GALK2: variants seen among roughly 807,000 people sequenced by gnomAD.
The protein encoded by GALK2 is galactokinase 2.
A neutral mutation model predicts 52.4 loss-of-function variants in GALK2; 36 were observed. The ratio of observed to expected loss-of-function variants is 0.69; its 90% CI spans 0.53 to 0.91. GALK2 has a LOEUF of 0.91. Among genes scored for constraint, GALK2 ranks in the 40% least tolerant of loss-of-function variants. The probability of loss-of-function intolerance (pLI) is 0.00; values close to 1 mark genes in which losing one functional copy is unlikely to be tolerated. For missense variants in GALK2, 579 were observed against 559.1 expected (o/e 1.04, Z -0.36); for synonymous variants, 176 against 199.1 (o/e 0.88, Z 0.98).
At chr15:49,166,722 C>G (rs1213232615), upstream of GALK2, among the ~76,000 whole-genome samples, 1 of 151,640 alleles carries the variant, frequency 6.6e-6, no homozygotes, top group African/African-American at 2.4e-5. Context: ...ACAACAACAA[C>G]AAAAAAGAAG....
chr15:49,331,610 TA>T lies in GALK2; in HGVS notation c.*3455del, dbSNP rs1417675059. Reference sequence around the variant, plus strand: ...TGAACATGAGTTGTCACTAAATATGTAAAACAGATTTTCTTACATGTGCATG... The same window carrying T: ...TGAACATGAGTTGTCACTAAATATGTAAACAGATTTTCTTACATGTGCATG... On this transcript the variant is annotated 3_prime_UTR_variant, in exon 10 of 10. Coordinates refer to ENST00000560031, the MANE Select transcript of GALK2 (RefSeq NM_002044.4). The T allele has an allele frequency of 2.0e-5, 11 of 563,416 alleles. No homozygotes were observed. Among genetic ancestry groups the T allele is most frequent in the Non-Finnish European group, 3.1e-5 (10 of 317,758 alleles). 34.9% of individuals were successfully genotyped at this position (563,416 alleles called of 1,614,324 possible).
intron 1 of GALK2, among the ~76,000 whole-genome samples, chr15:49,175,580 A>G (rs1190037632): frequency 6.6e-6 from 1 of 152,138 alleles, no homozygotes; most frequent in Non-Finnish European, 1.5e-5. Context: ...AACATCCTTT[A>G]TTAAATTAAG....
chr15:49,256,850 C>G (rs1396696833), intron 5 of GALK2, among the ~76,000 whole-genome samples: 1 of 152,076 alleles, frequency 6.6e-6, no homozygotes, highest in Non-Finnish European at 1.5e-5. Flanking sequence ...CCCATAGACT[C>G]AAATCACAAC....
Position 49,265,376 on chromosome 15 carries a change from A to G in GALK2, c.505-16611A>G, listed in dbSNP as rs554933677. Reference sequence around the variant, plus strand: ...CCGTGGGCATAGGACCCTCTGAGCCAGGTGCAGGATATAATCTCCTGGTGT... The same window carrying G: ...CCGTGGGCATAGGACCCTCTGAGCCGGGTGCAGGATATAATCTCCTGGTGT... On this transcript the variant is annotated intron_variant, in intron 5 of 9. Transcript: ENST00000560031. 1.1e-3 allele frequency among the ~76,000 whole-genome samples: 160 copies of G among 152,370 alleles called. 1 individual carries two copies. The highest frequency in any genetic ancestry group is 3.8e-3 in the African/African-American group (157 of 41,596).
intron 3 of GALK2, among the ~76,000 whole-genome samples, chr15:49,364,292 CTTG>C (rs1437328238): frequency 2.0e-5 from 3 of 152,098 alleles, no homozygotes; most frequent in Non-Finnish European, 2.9e-5. Flanking sequence ...AATTTCAGAA[CTTG>C]TTATTGGTCT....
chr15:49,202,418 C>G (rs2087864183), intron 2 of GALK2, among the ~76,000 whole-genome samples: 1 of 152,188 alleles, frequency 6.6e-6, no homozygotes, highest in African/African-American at 2.4e-5. Flanking sequence ...GAGATCAACT[C>G]TTTTAGCCTC....
chr15:49,296,162 G>T (rs2034460695), intron 8 of GALK2, among the ~76,000 whole-genome samples: 2 of 151,964 alleles, frequency 1.3e-5, no homozygotes, highest in South Asian at 4.2e-4. Context: ...ATACACACTA[G>T]GTTTCTTACA....
chr15:49,235,223 A>G (rs947427927), intron 3 of GALK2, among the ~76,000 whole-genome samples: 1 of 152,224 alleles, frequency 6.6e-6, no homozygotes, highest in Non-Finnish European at 1.5e-5. Context: ...AAATTATCAT[A>G]CAGTTTACCA....
At chr15:49,278,984 C>G (rs562357192) in intron 5 of GALK2, among the ~76,000 whole-genome samples, 1 of 152,172 alleles carries the variant, frequency 6.6e-6, no homozygotes, top group African/African-American at 2.4e-5. Flanking sequence ...GGGGAAATGC[C>G]AGACACTTAT....
intron 8 of GALK2, among the ~76,000 whole-genome samples, chr15:49,297,272 G>C (rs2034565560): frequency 6.6e-6 from 1 of 152,014 alleles, no homozygotes; most frequent in South Asian, 2.1e-4. Context: ...TTTTTTAATG[G>C]AGTTATTTGT....
intron 3 of GALK2, among the ~76,000 whole-genome samples, chr15:49,233,011 C>T (rs1404653677): frequency 6.6e-6 from 1 of 152,224 alleles, no homozygotes; most frequent in African/African-American, 2.4e-5. Flanking sequence ...TGCAAATTCA[C>T]ATTTTCAGGT....
intron 3 of GALK2, among the ~76,000 whole-genome samples, chr15:49,355,510 T>A (rs376270242): frequency 7.2e-5 from 11 of 151,820 alleles, no homozygotes; most frequent in Non-Finnish European, 1.2e-4. Context: ...ATGAAATGAA[T>A]GAAATGAAGC....
At chr15:49,339,342 G>T (rs954950659) in intron 3 of GALK2, among the ~76,000 whole-genome samples, 3 of 152,106 alleles carry the variant, frequency 2.0e-5, no homozygotes, top group Non-Finnish European at 2.9e-5. Context: ...TGTTGATGTT[G>T]ATATTATTCC....
intron 5 of GALK2, among the ~76,000 whole-genome samples, chr15:49,278,890 T>G (rs2032289060): frequency 6.6e-6 from 1 of 152,224 alleles, no homozygotes; most frequent in African/African-American, 2.4e-5. Flanking sequence ...TGGGGCAGCC[T>G]CAGGAAACTT....
chr15:49,203,111 C>T (rs2087930779), intron 2 of GALK2, among the ~76,000 whole-genome samples: 1 of 151,874 alleles, frequency 6.6e-6, no homozygotes, highest in Non-Finnish European at 1.5e-5. Flanking sequence ...AGTGCAGTGG[C>T]ACGATCTGGG....
At chr15:49,289,394 A>G (rs1383029392) in intron 7 of GALK2, among the ~76,000 whole-genome samples, 1 of 152,204 alleles carries the variant, frequency 6.6e-6, no homozygotes, top group Admixed American at 6.5e-5. Context: ...GAAGTTGACT[A>G]AAAAGTAGGA....
At chr15:49,171,086 T>TC (rs896335938) in intron 1 of GALK2, among the ~76,000 whole-genome samples, 5 of 141,008 alleles carry the variant, frequency 3.5e-5, no homozygotes, top group African/African-American at 1.4e-4. Context: ...CTTTTTCTTT[T>TC]TTTTTTTTTT....
At position 49,329,764 on chromosome 15, in the gene GALK2, T is replaced by G; in HGVS notation, c.*1605T>G. 1.0e-6 allele frequency: 1 copy of G among 971,414 alleles called. No homozygotes were observed. The highest frequency in any genetic ancestry group is 1.2e-6 in the Non-Finnish European group (1 of 817,592). 60.2% of individuals were successfully genotyped at this position (971,414 alleles called of 1,614,324 possible). A position where few individuals can be genotyped will look rare whatever the true frequency, so the allele number is the denominator to read the frequency against. ...TACCGTGCCATTTTCCACAAAGGAT[T>G]TGTGGTTGGTATATAATTCTTTAAA... On this transcript the variant is annotated 3_prime_UTR_variant, in exon 10 of 10. Coordinates refer to ENST00000560031, the MANE Select transcript of GALK2 (RefSeq NM_002044.4).
chr15:49,346,051 A>T (rs376093399), intron 3 of GALK2, among the ~76,000 whole-genome samples: 8 of 145,566 alleles, frequency 5.5e-5, no homozygotes, highest in East Asian at 2.0e-4. Flanking sequence ...TGCTTTTGTT[A>T]TTTTTTTTTT....
Sources: gnomAD v4.1 joint callset for allele counts (sites outside exome capture counted in the v4.1 genomes callset) on GRCh38, gnomAD v4.1.1 for gene constraint, MANE v1.5 for transcripts, NCBI Gene and HGNC (gene_info 2026-07-23, HGNC 2026-07-21) for gene names.